POLI: variants seen among roughly 807,000 people sequenced by gnomAD.
POLI encodes the protein RAD30 homolog B.
Under a neutral mutation model 51.6 loss-of-function variants are expected in POLI, and 58 were observed. That is an observed-to-expected ratio of 1.12 (90% confidence interval 0.91 to 1.40). The LOEUF (loss-of-function observed/expected upper bound fraction) is 1.40. Among genes scored for constraint, POLI ranks in the 40% most tolerant of loss-of-function variants. The pLI is 0.00. For synonymous variants in POLI, 322 were observed against 299.7 expected (o/e 1.07, Z -0.77); for missense variants, 921 against 871.3 (o/e 1.06, Z -0.72).
In POLI at chr18:54,295,216, A is replaced by G. The variant is rs1329908260; in HGVS notation, c.*749A>G. The G allele has an allele frequency of 1.0e-6, 1 of 985,318 alleles. No homozygotes were observed. The highest frequency in any genetic ancestry group is 1.7e-5 in the African/African-American group (1 of 57,244). 61.0% of individuals were successfully genotyped at this position (985,318 alleles called of 1,614,324 possible). A position where few individuals can be genotyped will look rare whatever the true frequency, so the allele number is the denominator to read the frequency against. ...GATGGGCCTATAAGCATACTGGATA[A>G]TGGAAGAAGTCCATTTCTTTCTAGC... is the stretch of plus-strand genomic sequence containing the variant. On this transcript the variant is annotated 3_prime_UTR_variant, in exon 10 of 10. Transcript: ENST00000579534.
At chr18:54,273,657 GACAAA>G in intron 2 of POLI, among the ~76,000 whole-genome samples, 1 of 152,096 alleles carries the variant, frequency 6.6e-6, no homozygotes, top group East Asian at 1.9e-4. Context: ...TCTTCAAGGA[GACAAA>G]ACAACTAGAG....
intron 3 of POLI, among the ~76,000 whole-genome samples, chr18:54,304,895 G>A (rs893403055): frequency 2.0e-5 from 3 of 152,180 alleles, no homozygotes; most frequent in Non-Finnish European, 4.4e-5. Context: ...ACGGTTTTAG[G>A]TCTAACATTT....
rs2086988574 is a variant in POLI, at chr18:54,271,210, T to C, written c.116-150T>C. On this transcript the variant is annotated intron_variant, in intron 1 of 9. Coordinates refer to ENST00000579534, the MANE Select transcript of POLI (RefSeq NM_007195.3). Reference sequence around the variant, plus strand: ...TACCCTAAGTGGAGTTTCATGTCTTTGTAATTTTTCGATGCTTTCACACAT... The same window carrying C: ...TACCCTAAGTGGAGTTTCATGTCTTCGTAATTTTTCGATGCTTTCACACAT... 5.2e-6 allele frequency: 3 copies of C among 574,830 alleles called. No homozygotes were observed. In the Admixed American group the frequency reaches 1.0e-4, roughly 20 times the overall value. 35.6% of individuals were successfully genotyped at this position (574,830 alleles called of 1,614,324 possible). A position where few individuals can be genotyped will look rare whatever the true frequency, so the allele number is the denominator to read the frequency against.
In POLI at chr18:54,294,529, A is replaced by T; in HGVS notation, c.*62A>T. ...ACCATTATTTTCGGATTAGCGGTTTATTAAGCTCTTCTATATTAAACACTA... is the reference window on the plus strand; with the variant it reads ...ACCATTATTTTCGGATTAGCGGTTTTTTAAGCTCTTCTATATTAAACACTA... On this transcript the variant is annotated 3_prime_UTR_variant, in exon 10 of 10. Transcript: ENST00000579534. 1 of 1,496,076 alleles carries T rather than the reference A, an allele frequency of 6.7e-7. No homozygotes were observed. Among genetic ancestry groups the T allele is most frequent in the Non-Finnish European group, 8.9e-7 (1 of 1,129,122 alleles). 92.7% of individuals were successfully genotyped at this position (1,496,076 alleles called of 1,614,324 possible).
intron 1 of POLI, 200 bp from the exon 2 acceptor site, chr18:54,271,160 C>T: frequency 2.4e-6 from 1 of 421,022 alleles, no homozygotes; most frequent in Middle Eastern, 3.2e-4. Flanking sequence ...AGTGCACAAA[C>T]AGTAATTAAG....
Position 54,293,711 on chromosome 18 carries a change from A to C in POLI, c.1467A>C (p.Leu489=). ...ACAAAGAAACAAACCGGGATTTCCT[A>C]CCAAGTGGAAGAATTGAAAGTACAA... ...PKDKETNRDF[L]PSGRIESTRT... Residue 489 remains leucine (L), a synonymous_variant, in exon 10 of 10, where the codon CTA becomes CTC. Coordinates refer to ENST00000579534, the MANE Select transcript of POLI (RefSeq NM_007195.3). 1 of 1,599,520 alleles carries C rather than the reference A, an allele frequency of 6.3e-7. No individual in the cohort carries two copies. Among genetic ancestry groups the C allele is most frequent in the Non-Finnish European group, 8.5e-7 (1 of 1,174,600 alleles).
intron 3 of POLI, among the ~76,000 whole-genome samples, chr18:54,316,495 G>T (rs1479262926): frequency 1.3e-5 from 2 of 152,194 alleles, no homozygotes; most frequent in African/African-American, 4.8e-5. Context: ...GAGTGGATTA[G>T]CTTGGTCATT....
At chr18:54,310,392 T>C (rs930102629) in intron 3 of POLI, among the ~76,000 whole-genome samples, 9 of 152,204 alleles carry the variant, frequency 5.9e-5, no homozygotes, top group Non-Finnish European at 1.2e-4. Flanking sequence ...TCATTTTTTG[T>C]TTTCTTATTT....
intron 3 of POLI, among the ~76,000 whole-genome samples, chr18:54,317,295 T>A (rs887219228): frequency 6.6e-6 from 1 of 152,170 alleles, no homozygotes; most frequent in East Asian, 1.9e-4. Flanking sequence ...TTGCCAGGCA[T>A]GTGAGTGAGC....
At position 54,295,385 on chromosome 18, in the gene POLI, CTT is replaced by C. The variant is rs2088271918; in HGVS notation, c.*921_*922del. On this transcript the variant is annotated 3_prime_UTR_variant, in exon 10 of 10. Coordinates refer to ENST00000579534, the MANE Select transcript of POLI (RefSeq NM_007195.3). ...TTTCTCCCATTGTTATTGCCTTCCT[CTT>C]TTGCCTGCTAAACTAAAAATTGGAT... 1 of 982,364 alleles carries C rather than the reference CTT, an allele frequency of 1.0e-6. No homozygotes were observed. The highest frequency in any genetic ancestry group is 6.2e-5 in the Admixed American group (1 of 16,258). The allele number at this position is 982,364 out of a possible 1,614,324, so 60.9% of individuals were successfully genotyped here.
chr18:54,273,385 C>T (rs1210997384), intron 2 of POLI, among the ~76,000 whole-genome samples: 8 of 129,378 alleles, frequency 6.2e-5, no homozygotes, highest in African/African-American at 2.1e-4. Context: ...TATTTTCATC[C>T]GTTTTTTTTT....
intron 3 of POLI, among the ~76,000 whole-genome samples, chr18:54,310,317 A>C (rs1396743174): frequency 6.6e-6 from 1 of 152,210 alleles, no homozygotes; most frequent in African/African-American, 2.4e-5. Context: ...CTGAGCTGTC[A>C]CATTCTAGTT....
chr18:54,319,642 G>T (rs1409519120), intron 3 of POLI, among the ~76,000 whole-genome samples: 3 of 151,108 alleles, frequency 2.0e-5, no homozygotes, highest in South Asian at 2.1e-4. Flanking sequence ...TTTCCGTTTT[G>T]TGGGATTGTT....
Position 54,295,463 on chromosome 18 carries a change from A to G in POLI, c.*996A>G. The G allele has an allele frequency of 1.0e-6, 1 of 967,336 alleles. No homozygotes were observed. The highest frequency in any genetic ancestry group is 1.2e-6 in the Non-Finnish European group (1 of 813,390). The allele number at this position is 967,336 out of a possible 1,614,324, so 59.9% of individuals were successfully genotyped here. A position where few individuals can be genotyped will look rare whatever the true frequency, so the allele number is the denominator to read the frequency against. ...TTTGCAAGACATAGAGGATGTTTAT[A>G]GAATATACTAAAGTATCCCTCAGCA... On this transcript the variant is annotated 3_prime_UTR_variant, in exon 10 of 10. Transcript: ENST00000579534.
rs3730815 is a variant in POLI, at chr18:54,292,566, C to T, written c.1404+528C>T. Among the ~76,000 whole-genome samples the T allele has an allele frequency of 1.8e-3, 280 of 152,210 alleles. 4 individuals are homozygous for T. Among genetic ancestry groups the T allele is most frequent in the African/African-American group, 6.3e-3 (261 of 41,556 alleles). ...GGCAGAGGCCAGTCACATTTTCAGA[C>T]GACTAAAACAAAACCCTTTTATTAA... is the stretch of plus-strand genomic sequence containing the variant. On this transcript the variant is annotated intron_variant, in intron 9 of 9. Coordinates refer to ENST00000579534, the MANE Select transcript of POLI (RefSeq NM_007195.3).
Position 54,293,770 on chromosome 18 carries a change from T to C in POLI, c.1526T>C (p.Phe509Ser). The change falls in exon 10 of 10, where the codon TTT (phenylalanine) becomes TCT (serine). Residue 509 changes from phenylalanine to serine, a missense_variant. Transcript: ENST00000579534. Reference protein sequence around the residue: ...TRESPLDTTNFSKEKDINEFP... With the variant: ...TRESPLDTTNSSKEKDINEFP... ...GAGTCTCCACTAGATACCACAAATT[T>C]TTCTAAAGAAAAAGACATTAATGAA... 6.2e-7 allele frequency: 1 copy of C among 1,605,952 alleles called. No individual in the cohort carries two copies. The highest frequency in any genetic ancestry group is 8.5e-7 in the Non-Finnish European group (1 of 1,175,516).
At chr18:54,307,694 T>C (rs569244805) in intron 3 of POLI, among the ~76,000 whole-genome samples, 31 of 152,186 alleles carry the variant, frequency 2.0e-4, no homozygotes, top group Admixed American at 1.0e-3. Flanking sequence ...TGTTAAAGTC[T>C]CCCATTATTA....
At chr18:54,279,166 A>G (rs1255828601) in intron 4 of POLI, among the ~76,000 whole-genome samples, 2 of 152,086 alleles carry the variant, frequency 1.3e-5, no homozygotes, top group African/African-American at 2.4e-5. Context: ...TCTTTCATAC[A>G]GATTTTATTA....
At position 54,296,777 on chromosome 18, in the gene POLI, A is replaced by G. The variant is rs1338864956; in HGVS notation, c.*2310A>G. 2 of 423,756 alleles carry G rather than the reference A, an allele frequency of 4.7e-6. No homozygotes were observed. Among genetic ancestry groups the G allele is most frequent in the African/African-American group, 4.4e-5 (2 of 45,656 alleles). The allele number at this position is 423,756 out of a possible 1,614,324, so 26.2% of individuals were successfully genotyped here. Reference sequence around the variant, plus strand: ...TAAAACAATGATGGTTTTAATTTCAATAAATATATTTTTCATTTGATTCTT... The same window carrying G: ...TAAAACAATGATGGTTTTAATTTCAGTAAATATATTTTTCATTTGATTCTT... On this transcript the variant is annotated 3_prime_UTR_variant, in exon 10 of 10. Transcript: ENST00000579534.
Sources: gnomAD v4.1 joint callset for allele counts (sites outside exome capture counted in the v4.1 genomes callset) on GRCh38, gnomAD v4.1.1 for gene constraint, MANE v1.5 for transcripts, NCBI Gene and HGNC (gene_info 2026-07-23, HGNC 2026-07-21) for gene names.